NKAIN2: variants seen among roughly 807,000 people sequenced by gnomAD.
NKAIN2 encodes the protein sodium/potassium transporting ATPase interacting 2.
In NKAIN2, 14 loss-of-function variants were observed where a neutral mutation model predicts 32.6. The observed-to-expected ratio is 0.43, with a 90% CI of 0.28 to 0.67. NKAIN2 has a LOEUF of 0.67. NKAIN2 is among the 30% of genes least tolerant of loss of function. NKAIN2 has a pLI of 0.17. For synonymous variants in NKAIN2, 80 were observed against 87.2 expected (o/e 0.92, Z 0.46); for missense variants, 198 against 258.3 (o/e 0.77, Z 1.60).
chr6:124,581,440 C>T (rs1422310659), intron 3 of NKAIN2, among the ~76,000 whole-genome samples: 4 of 106,090 alleles, frequency 3.8e-5, no homozygotes, highest in African/African-American at 7.0e-5. Flanking sequence ...AGCGAGACTC[C>T]GTCTCAAAAA....
chr6:123,965,773 A>G (rs928289780), intron 1 of NKAIN2, among the ~76,000 whole-genome samples: 5 of 152,162 alleles, frequency 3.3e-5, no homozygotes, highest in African/African-American at 1.2e-4. Flanking sequence ...CTCCAATCAG[A>G]TGGGATCCCT....
intron 1 of NKAIN2, among the ~76,000 whole-genome samples, chr6:124,193,597 A>C (rs1790141067): frequency 6.6e-6 from 1 of 152,116 alleles, no homozygotes; most frequent in Admixed American, 6.5e-5. Flanking sequence ...TGTCACCCGC[A>C]ACATTGTGAG....
At chr6:124,078,786 TTGTGTGTGTGTGTGTGTGTGTGTG>T (rs71021477) in intron 1 of NKAIN2, among the ~76,000 whole-genome samples, 1 of 144,644 alleles carries the variant, frequency 6.9e-6, no homozygotes, top group African/African-American at 2.6e-5. Flanking sequence ...TATGTCGTTT[TTGTGTGTGTGTGTGTGTGTGTGTG>T]TGTGTGTGTG....
intron 3 of NKAIN2, among the ~76,000 whole-genome samples, chr6:124,641,784 T>A (rs559549243): frequency 4.5e-4 from 68 of 152,046 alleles, no homozygotes; most frequent in African/African-American, 1.6e-3. Context: ...GGTCTCAAAC[T>A]CCCAAGGTGA....
At chr6:124,055,344 C>T (rs1037031500) in intron 1 of NKAIN2, among the ~76,000 whole-genome samples, 1 of 151,802 alleles carries the variant, frequency 6.6e-6, no homozygotes, top group African/African-American at 2.4e-5. Flanking sequence ...ATACTAGTAC[C>T]CTGGGATCTT....
chr6:124,520,860 A>T (rs1174956946), intron 3 of NKAIN2, among the ~76,000 whole-genome samples: 1 of 152,216 alleles, frequency 6.6e-6, no homozygotes, highest in Admixed American at 6.5e-5. Flanking sequence ...GAATTAAATC[A>T]CTTCAAACTC....
chr6:124,312,426 G>C (rs1265521301), intron 2 of NKAIN2, among the ~76,000 whole-genome samples: 1 of 152,188 alleles, frequency 6.6e-6, no homozygotes, highest in South Asian at 2.1e-4. Flanking sequence ...TGACAGACCT[G>C]CTTTCAGTTG....
intron 4 of NKAIN2, among the ~76,000 whole-genome samples, chr6:124,710,891 T>C (rs1447099486): frequency 1.3e-5 from 2 of 151,608 alleles, no homozygotes; most frequent in Non-Finnish European, 2.9e-5. Flanking sequence ...AGCTGCTTAT[T>C]TTGCTCGTTA....
At chr6:124,778,784 G>GA (rs1481422981) in intron 4 of NKAIN2, among the ~76,000 whole-genome samples, 10 of 150,802 alleles carry the variant, frequency 6.6e-5, no homozygotes, top group Non-Finnish European at 1.3e-4. Flanking sequence ...CTGCTTAAAG[G>GA]AAAAAAAAGA....
intron 3 of NKAIN2, among the ~76,000 whole-genome samples, chr6:124,491,545 A>T (rs946866646): frequency 6.6e-6 from 1 of 151,848 alleles, no homozygotes; most frequent in Non-Finnish European, 1.5e-5. Context: ...AGCAATTTGG[A>T]AATATGAATC....
At chr6:124,009,681 G>C (rs1466994070) in intron 1 of NKAIN2, among the ~76,000 whole-genome samples, 1 of 152,114 alleles carries the variant, frequency 6.6e-6, no homozygotes. Flanking sequence ...TTTATGTGCA[G>C]ACTTTCCTAA....
chr6:124,370,539 G>A (rs767227478), intron 3 of NKAIN2, among the ~76,000 whole-genome samples: 1 of 152,020 alleles, frequency 6.6e-6, no homozygotes, highest in Non-Finnish European at 1.5e-5. Flanking sequence ...ACACTCAGAG[G>A]TAGCATAATA....
At chr6:124,491,161 C>G (rs1447571556) in intron 3 of NKAIN2, among the ~76,000 whole-genome samples, 1 of 151,758 alleles carries the variant, frequency 6.6e-6, no homozygotes, top group Non-Finnish European at 1.5e-5. Flanking sequence ...AGCACATGTG[C>G]CATCTATTCA....
chr6:123,978,750 C>T (rs1163301513), intron 1 of NKAIN2, among the ~76,000 whole-genome samples: 1 of 152,080 alleles, frequency 6.6e-6, no homozygotes, highest in African/African-American at 2.4e-5. Context: ...CTTGTTAAGG[C>T]TTATTTTCAA....
intron 5 of NKAIN2, among the ~76,000 whole-genome samples, chr6:124,808,069 G>A (rs1221440936): frequency 6.6e-6 from 1 of 151,460 alleles, no homozygotes; most frequent in Admixed American, 6.6e-5. Flanking sequence ...GGAGGAACTG[G>A]TACCATTCCT....
intron 2 of NKAIN2, among the ~76,000 whole-genome samples, chr6:124,340,113 A>G (rs560405024): frequency 6.6e-6 from 1 of 152,170 alleles, no homozygotes; most frequent in Non-Finnish European, 1.5e-5. Flanking sequence ...ATCAATAAAT[A>G]TGACTCATAT....
chr6:124,552,186 C>T (rs1780313476), intron 3 of NKAIN2, among the ~76,000 whole-genome samples: 1 of 152,210 alleles, frequency 6.6e-6, no homozygotes, highest in African/African-American at 2.4e-5. Flanking sequence ...CTATGAGTAT[C>T]ATCCTCAAGC....
At chr6:124,645,594 T>G (rs1481720114) in intron 3 of NKAIN2, among the ~76,000 whole-genome samples, 2 of 152,162 alleles carry the variant, frequency 1.3e-5, no homozygotes, top group African/African-American at 4.8e-5. Flanking sequence ...ATAGAGCATT[T>G]GGAAGGCACT....
At chr6:124,763,853 C>G (rs1216161198) in intron 4 of NKAIN2, among the ~76,000 whole-genome samples, 2 of 152,244 alleles carry the variant, frequency 1.3e-5, no homozygotes, top group Non-Finnish European at 2.9e-5. Flanking sequence ...AAAATAAGCT[C>G]TATATTAACA....
Sources: gnomAD v4.1 joint callset for allele counts (sites outside exome capture counted in the v4.1 genomes callset) on GRCh38, gnomAD v4.1.1 for gene constraint, MANE v1.5 for transcripts, NCBI Gene and HGNC (gene_info 2026-07-23, HGNC 2026-07-21) for gene names.